The following TRMT1 variants were observed in gnomAD, a reference collection of about 807,000 sequenced individuals.
The protein encoded by TRMT1 is tRNA methyltransferase 1.
In TRMT1, 63 loss-of-function variants were observed where a neutral mutation model predicts 75.4. That is an observed-to-expected ratio of 0.84 (90% CI 0.68 to 1.03). TRMT1 has a LOEUF of 1.03. Among genes scored for constraint, TRMT1 ranks in the 50% least tolerant of loss-of-function variants. The probability of loss-of-function intolerance (pLI) is 0.00; values close to 1 mark genes in which losing one functional copy is unlikely to be tolerated. For synonymous variants in TRMT1, 382 were observed against 358.1 expected, an observed-to-expected ratio of 1.07 and a Z score of -0.75; for missense variants, 870 against 905.3, an observed-to-expected ratio of 0.96 and a Z score of 0.50.
rs776802287 is a variant in TRMT1 at position 13,112,825 on chromosome 19, G to C, written c.758-8C>G. On this transcript the variant is annotated splice_region_variant and splice_polypyrimidine_tract_variant and intron_variant, in intron 6 of 16. Coordinates refer to ENST00000357720, the MANE Select transcript of TRMT1 (RefSeq NM_001136035.4). ...AGGTCACACACAGCAACCCTGCAGA[G>C]AGGGGCTGGGCAGTGAGAACCCTCC... 6.2e-7 allele frequency: 1 copy of C among 1,614,092 alleles called. No individual in the cohort carries two copies. The highest frequency in any genetic ancestry group is 8.5e-7 in the Non-Finnish European group (1 of 1,179,970).
Position 13,105,378 on chromosome 19 carries a change from T to C in TRMT1, c.1722A>G (p.Glu574=). Residue 574 remains glutamate (E), a synonymous_variant, in exon 16 of 17, where the codon GAA becomes GAG. Coordinates refer to ENST00000357720, the MANE Select transcript of TRMT1 (RefSeq NM_001136035.4). ...GCAGCCTGCGTCTCTCCTCCATAGC[T>C]TCGTCGGCCGCCTTGCCCCTGTGCG... is the stretch of plus-strand genomic sequence containing the variant. ...RARPGGKAAD[E]AMEERRRLLQ... is the part of the protein sequence containing the mutation. The C allele has an allele frequency of 6.2e-7, 1 of 1,613,798 alleles. No homozygotes were observed. Among genetic ancestry groups the C allele is most frequent in the Non-Finnish European group, 8.5e-7 (1 of 1,180,016 alleles).
At chr19:13,113,052 G>T (rs140145103) in intron 5 of TRMT1, 41 bp from the exon 6 acceptor site, 1 of 1,520,122 alleles carries the variant, frequency 6.6e-7, no homozygotes, top group Non-Finnish European at 8.9e-7. Context: ...TCCCACGCCA[G>T]GTACCTTCTC....
At chr19:13,107,515 C>T in intron 14 of TRMT1, 59 bp downstream of exon 14, 5 of 1,529,182 alleles carry the variant, frequency 3.3e-6, no homozygotes, top group Middle Eastern at 2.0e-4. Context: ...TGTCTGCACA[C>T]ACATGTGCTT....
chr19:13,111,382 ATT>A (rs201288485), intron 7 of TRMT1, among the ~76,000 whole-genome samples: 36 of 130,380 alleles, frequency 2.8e-4, no homozygotes, highest in Admixed American at 3.1e-4. Context: ...GGGTCAGACC[ATT>A]TTTTTTTTTT....
intron 8 of TRMT1, 76 bp from the exon 9 acceptor site, chr19:13,110,077 C>T: frequency 6.2e-7 from 1 of 1,609,602 alleles, no homozygotes; most frequent in Non-Finnish European, 8.5e-7. Context: ...CTGGCTCTGT[C>T]CCTTAAGAAG....
Position 13,115,281 on chromosome 19 carries a change from G to C in TRMT1, c.639C>G (p.Ala213=). The change falls in exon 5 of 17, where the codon GCC becomes GCG. Residue 213 remains alanine, a splice_region_variant and synonymous_variant. Transcript: ENST00000357720. ...AGGCTGTGATGCCCAGAACCTACCG[G>C]GCATCTGCTTGGCTCGGCTGTACCA... ...AHLVQPSQAD[A]RMLMYQHQRV... 6.2e-7 allele frequency: 1 copy of C among 1,610,356 alleles called. No individual in the cohort carries two copies. The highest frequency in any genetic ancestry group is 1.1e-5 in the South Asian group (1 of 90,740).
chr19:13,115,675 A>C lies in TRMT1; in HGVS notation c.404T>G (p.Leu135Arg). 2 of 1,614,022 alleles carry C rather than the reference A, an allele frequency of 1.2e-6. No individual in the cohort carries two copies. Among genetic ancestry groups the C allele is most frequent in the South Asian group, 2.2e-5 (2 of 91,082 alleles). Reference sequence around the variant, plus strand: ...TGTGCGAGGTTGGTCTCCTGAGGCCAGGTTTTCACTCTCTTTCAGTTCAAC... The same window carrying C: ...TGTGCGAGGTTGGTCTCCTGAGGCCCGGTTTTCACTCTCTTTCAGTTCAAC... ...EKVELKESEN[L>R]ASGDQPRTAA... Residue 135 changes from leucine (L) to arginine (R), a missense_variant, in exon 4 of 17, where the codon CTG becomes CGG. Transcript: ENST00000357720.
rs745317193 is a variant in TRMT1, at chr19:13,105,415, A to G, written c.1704-19T>C. 2 of 1,613,536 alleles carry G rather than the reference A, an allele frequency of 1.2e-6. No homozygotes were observed. The highest frequency in any genetic ancestry group is 2.7e-5 in the African/African-American group (2 of 74,936). On this transcript the variant is annotated intron_variant, in intron 15 of 16. Transcript: ENST00000357720. ...CTTGCCCCTGTGCGAGGGGAGGAGT[A>G]GGTGGGACCCCATCTGCCCTTTACC...
In TRMT1 at chr19:13,105,287, G is replaced by A. The variant is rs769102030; in HGVS notation, c.1813C>T (p.Pro605Ser). 6.2e-7 allele frequency: 1 copy of A among 1,613,926 alleles called. No homozygotes were observed. The highest frequency in any genetic ancestry group is 2.2e-5 in the East Asian group (1 of 44,882). The change falls in exon 16 of 17, where the codon CCT becomes TCT. Residue 605 changes from proline to serine, a missense_variant. Transcript: ENST00000357720. The part of the protein sequence containing the change: ...AQRAARLKTF[P>S]CKRFKEGTCQ... ...CTCACCTCCTTAAACCTCTTGCAAG[G>A]AAATGTCTTGAGCCGGGCAGCCCGC... is the stretch of plus-strand genomic sequence containing the variant.
At chr19:13,106,813 TTTTA>T (rs140417503) in intron 14 of TRMT1, among the ~76,000 whole-genome samples, 40,214 of 143,248 alleles carry the variant, frequency 0.28, 6,344 homozygotes, top group East Asian at 0.62. Context: ...TTATTTTTAT[TTTTA>T]TTTATTTATT....
At chr19:13,105,713 G>T in intron 14 of TRMT1, 107 bp from the exon 15 acceptor site, 1 of 1,130,502 alleles carries the variant, frequency 8.8e-7, no homozygotes, top group Non-Finnish European at 1.3e-6. Flanking sequence ...CGAGGTGTCT[G>T]CTCATGTCAG....
At position 13,105,362 on chromosome 19, in the gene TRMT1, G is replaced by T; in HGVS notation, c.1738C>A (p.Arg580Ser). The change falls in exon 16 of 17, where the codon CGC becomes AGC. Residue 580 changes from arginine (R) to serine (S), a missense_variant. Transcript: ENST00000357720. ...TTCCGCTTGTTCTGAAGCAGCCTGC[G>T]TCTCTCCTCCATAGCTTCGTCGGCC... is the stretch of plus-strand genomic sequence containing the variant. ...KAADEAMEER[R>S]RLLQNKRKEP... 6.2e-7 allele frequency: 1 copy of T among 1,613,884 alleles called. No individual in the cohort carries two copies. Among genetic ancestry groups the T allele is most frequent in the Non-Finnish European group, 8.5e-7 (1 of 1,180,036 alleles).
At chr19:13,106,784 G>T (rs2018890309) in intron 14 of TRMT1, among the ~76,000 whole-genome samples, 1 of 151,078 alleles carries the variant, frequency 6.6e-6, no homozygotes, top group South Asian at 2.1e-4. Context: ...ACTACGCCCA[G>T]CCCAGTCAGC....
intron 12 of TRMT1, among the ~76,000 whole-genome samples, chr19:13,108,978 A>G (rs2019007650): frequency 7.1e-6 from 1 of 141,024 alleles, no homozygotes; most frequent in Non-Finnish European, 1.5e-5. Context: ...CTGGAGTGGC[A>G]TGATCATAGC....
intron 14 of TRMT1, among the ~76,000 whole-genome samples, chr19:13,107,091 C>T (rs1449273264): frequency 6.6e-6 from 1 of 151,066 alleles, no homozygotes; most frequent in Non-Finnish European, 1.5e-5. Flanking sequence ...CTGCCTCGGC[C>T]TCCCAAAGTG....
chr19:13,113,083 TC>T, intron 5 of TRMT1, 72 bp from the exon 6 acceptor site: 1 of 1,196,880 alleles, frequency 8.4e-7, no homozygotes, highest in Non-Finnish European at 1.2e-6. Flanking sequence ...ACATATTAAC[TC>T]GTACAGCACA....
chr19:13,116,554 C>T, intron 1 of TRMT1, 99 bp downstream of exon 1: 1 of 1,073,506 alleles, frequency 9.3e-7, no homozygotes, highest in Non-Finnish European at 1.3e-6. Context: ...AGCTGATATC[C>T]CCTCGTTTTG....
chr19:13,109,710 G>A, intron 10 of TRMT1, 26 bp from the exon 11 acceptor site: 1 of 1,614,002 alleles, frequency 6.2e-7, no homozygotes, highest in Non-Finnish European at 8.5e-7. Flanking sequence ...GGACAGGTGA[G>A]CAGGGACTAT....
rs200511077 is a variant in TRMT1, at chr19:13,107,743, G to T, written c.1506+8C>A. 6.4e-7 allele frequency: 1 copy of T among 1,555,664 alleles called. No homozygotes were observed. ...CTCCCACCTGCATGAGGTCAGCCCT[G>T]CCCTCACCCAGCAACGCATGATGTC... On this transcript the variant is annotated splice_region_variant and intron_variant, in intron 13 of 16. Transcript: ENST00000357720.
Sources: allele counts gnomAD v4.1 joint callset (sites outside exome capture counted in the v4.1 genomes callset), GRCh38; gene constraint gnomAD v4.1.1; transcripts MANE v1.5; gene names NCBI Gene and HGNC (gene_info 2026-07-23, HGNC 2026-07-21).